Variants in FASTKD1 observed in about 807,000 individuals in gnomAD.
The protein encoded by FASTKD1 is FAST kinase domain-containing protein 1, mitochondrial.
Under a neutral mutation model 90.9 loss-of-function variants are expected in FASTKD1, and 94 were observed. The ratio of observed to expected loss-of-function variants is 1.03; its 90% CI spans 0.88 to 1.23. The LOEUF (loss-of-function observed/expected upper bound fraction) is 1.23. Ranked by LOEUF, FASTKD1 falls within the 50% of genes most tolerant of loss-of-function variation. The pLI is 0.00. For synonymous variants in FASTKD1, 319 were observed against 345.8 expected (o/e 0.92, Z 0.86); for missense variants, 945 against 993.5 (o/e 0.95, Z 0.66).
At chr2:169,547,884 CAAAAAAAAAAAAAAAAAAAAAAAAA>C (rs1158292826) in intron 7 of FASTKD1, among the ~76,000 whole-genome samples, 1 of 21,330 alleles carries the variant, frequency 4.7e-5, no homozygotes, top group African/African-American at 1.2e-4. Flanking sequence ...GACTCCATCT[CAAAAAAAAAAAAAAAAAAAAAAAAA>C]AAAAAAAGAG....
intron 3 of FASTKD1, among the ~76,000 whole-genome samples, 199 bp downstream of exon 3, chr2:169,568,981 AGAGT>A (rs1016372525): frequency 3.3e-5 from 5 of 150,234 alleles, no homozygotes; most frequent in South Asian, 2.2e-4. Flanking sequence ...CCTGGGCGAC[AGAGT>A]GAGACTCCAT....
At chr2:169,568,540 C>A (rs1449438886) in intron 3 of FASTKD1, among the ~76,000 whole-genome samples, 2 of 143,630 alleles carry the variant, frequency 1.4e-5, no homozygotes, top group African/African-American at 5.1e-5. Context: ...TGCATATAAA[C>A]CCAGCACTTT....
rs1684387315 is a variant in FASTKD1 at position 169,529,575 on chromosome 2, TG to T, written c.*249del. Among the ~76,000 whole-genome samples the T allele has an allele frequency of 6.6e-6, 1 of 152,178 alleles. No individual in the cohort carries two copies. Among genetic ancestry groups the T allele is most frequent in the Non-Finnish European group, 1.5e-5 (1 of 68,026 alleles). ...CATTCCTTACTTGAAAAGCCCCCAA[TG>T]GCTTCTCATCTCGCTCAGAGTAGCC... On this transcript the variant is annotated 3_prime_UTR_variant, in exon 15 of 15. Transcript: ENST00000453153.
intron 6 of FASTKD1, among the ~76,000 whole-genome samples, chr2:169,555,624 G>A (rs776165804): frequency 3.9e-5 from 6 of 152,016 alleles, no homozygotes; most frequent in Non-Finnish European, 5.9e-5. Context: ...ATTTTCTTCC[G>A]TAAATCCACT....
At chr2:169,562,358 G>C (rs564942969) in intron 4 of FASTKD1, among the ~76,000 whole-genome samples, 1 of 151,642 alleles carries the variant, frequency 6.6e-6, no homozygotes, top group Non-Finnish European at 1.5e-5. Flanking sequence ...TCAGCCTCCC[G>C]AGTAGCTGGG....
chr2:169,537,418 C>A, intron 11 of FASTKD1, 78 bp from the exon 12 acceptor site: 1 of 933,856 alleles, frequency 1.1e-6, no homozygotes, highest in South Asian at 1.6e-5. Context: ...AGTTTTCGCT[C>A]TTGTTGCCCA....
At chr2:169,539,271 CAAA>C (rs558999338) in intron 10 of FASTKD1, among the ~76,000 whole-genome samples, 1 of 133,550 alleles carries the variant, frequency 7.5e-6, no homozygotes, top group African/African-American at 2.8e-5. Flanking sequence ...GACTCCATCT[CAAA>C]AAAAAAAAGA....
intron 5 of FASTKD1, among the ~76,000 whole-genome samples, chr2:169,559,299 T>C (rs1404403576): frequency 6.6e-6 from 1 of 151,874 alleles, no homozygotes; most frequent in African/African-American, 2.4e-5. Flanking sequence ...AAATAAAACT[T>C]TCTCCGTAAA....
At chr2:169,556,435 CAA>C (rs371169439) in intron 6 of FASTKD1, among the ~76,000 whole-genome samples, 1 of 82,736 alleles carries the variant, frequency 1.2e-5, no homozygotes. Context: ...TACCCTGTCT[CAA>C]AAAAAAAAAA....
At chr2:169,541,560 T>C (rs1165447177) in intron 9 of FASTKD1, among the ~76,000 whole-genome samples, 1 of 152,172 alleles carries the variant, frequency 6.6e-6, no homozygotes, top group Non-Finnish European at 1.5e-5. Flanking sequence ...CACAGTAGTA[T>C]CAGACATGGT....
intron 3 of FASTKD1, among the ~76,000 whole-genome samples, chr2:169,565,402 A>G (rs936134536): frequency 1.3e-5 from 2 of 151,590 alleles, no homozygotes; most frequent in African/African-American, 4.9e-5. Context: ...AGCTGGGACT[A>G]TAGGCGCCCG....
Position 169,568,947 on chromosome 2 carries a change from T to G in FASTKD1, c.446+237A>C, listed in dbSNP as rs1684113392. ...CCAGGAGGCAGAGGTTGCAGTGAGC[T>G]GAGACCACGCCACTGCACTCCAGCC... On this transcript the variant is annotated intron_variant, in intron 3 of 14. Coordinates refer to ENST00000453153, the MANE Select transcript of FASTKD1 (RefSeq NM_024622.6). Among the ~76,000 whole-genome samples the G allele has an allele frequency of 2.0e-5, 3 of 147,542 alleles. No individual in the cohort carries two copies. The South Asian group carries it at 6.3e-4, about 31-fold the overall frequency.
rs552852069 is a variant in FASTKD1, at chr2:169,559,925, C to T, written c.971+462G>A. On this transcript the variant is annotated intron_variant, in intron 5 of 14. Transcript: ENST00000453153. ...AAATTCCTAAATGAGAGGCGCCACA[C>T]AAAATTTGCTCAAACCTGACATGGG... Among the ~76,000 whole-genome samples the T allele has an allele frequency of 2.6e-5, 4 of 152,326 alleles. No individual in the cohort carries two copies. In the South Asian group the frequency reaches 8.3e-4, roughly 32 times the overall value.
intron 3 of FASTKD1, among the ~76,000 whole-genome samples, chr2:169,565,230 C>T (rs1307669852): frequency 8.5e-6 from 1 of 118,342 alleles, no homozygotes; most frequent in African/African-American, 3.2e-5. Context: ...GGATTACAGG[C>T]GTGAGCCACC....
Position 169,571,634 on chromosome 2 carries a change from ATAAAAG to A in FASTKD1, c.377+13_377+18del. 2 of 1,410,712 alleles carry A rather than the reference ATAAAAG, an allele frequency of 1.4e-6. No homozygotes were observed. The highest frequency in any genetic ancestry group is 2.4e-5 in the East Asian group (1 of 42,048). The allele number at this position is 1,410,712 out of a possible 1,614,324, so 87.4% of individuals were successfully genotyped here. A position where few individuals can be genotyped will look rare whatever the true frequency, so the allele number is the denominator to read the frequency against. On this transcript the variant is annotated intron_variant, in intron 2 of 14. Coordinates refer to ENST00000453153, the MANE Select transcript of FASTKD1 (RefSeq NM_024622.6). ...AAACTATATAATCATTCCATAAAAT[ATAAAAG>A]TAAATTACTTACTGTTGTGTGACGT...
chr2:169,561,960 TATTGTAAATTAATTATTC>T lies in FASTKD1; in HGVS notation c.573-1193_573-1176del, dbSNP rs1559157164. Reference sequence around the variant, plus strand: ...ATTTATTATAAATTAATTATTAATTTATTGTAAATTAATTATTCATTAATTTATTGTAAATTAATTATT... The same window carrying T: ...ATTTATTATAAATTAATTATTAATTTATTAATTTATTGTAAATTAATTATT... On this transcript the variant is annotated intron_variant, in intron 4 of 14. Transcript: ENST00000453153. 1.3e-3 allele frequency among the ~76,000 whole-genome samples: 169 copies of T among 129,878 alleles called. 15 individuals are homozygous for T. The highest frequency in any genetic ancestry group is 1.9e-3 in the Admixed American group (22 of 11,806). 85.2% of individuals were successfully genotyped at this position (129,878 alleles called of 152,430 possible). A position where few individuals can be genotyped will look rare whatever the true frequency, so the allele number is the denominator to read the frequency against.
rs1684249015 is a variant in FASTKD1, at chr2:169,571,863, A to G, written c.167T>C (p.Ile56Thr). Residue 56 changes from isoleucine to threonine, a missense_variant, in exon 2 of 15, where the codon ATT becomes ACT. By Grantham distance (89) the Ile-to-Thr change is moderately conservative. Coordinates refer to ENST00000453153, the MANE Select transcript of FASTKD1 (RefSeq NM_024622.6). ...CTDEEQMFGF[I>T]ERNKAILSEK... Reference sequence around the variant, plus strand: ...TGAAAGTATGGCTTTGTTTCTTTCAATAAAACCAAACATTTGCTCCTCATC... The same window carrying G: ...TGAAAGTATGGCTTTGTTTCTTTCAGTAAAACCAAACATTTGCTCCTCATC... 2 of 1,614,108 alleles carry G rather than the reference A, an allele frequency of 1.2e-6. No individual in the cohort carries two copies. Among genetic ancestry groups the G allele is most frequent in the Middle Eastern group, 1.7e-4 (1 of 6,058 alleles).
At chr2:169,550,267 C>A (rs1161879363) in intron 7 of FASTKD1, among the ~76,000 whole-genome samples, 1 of 152,026 alleles carries the variant, frequency 6.6e-6, no homozygotes, top group Non-Finnish European at 1.5e-5. Flanking sequence ...TGGGTATCAA[C>A]CAGCCATTAT....
chr2:169,563,107 C>A, intron 4 of FASTKD1, 118 bp downstream of exon 4: 4 of 971,874 alleles, frequency 4.1e-6, no homozygotes, highest in Non-Finnish European at 6.1e-6. Context: ...GGATAACGAA[C>A]TTCCAAGAGC....
Sources: allele counts gnomAD v4.1 joint callset (sites outside exome capture counted in the v4.1 genomes callset), GRCh38; gene constraint gnomAD v4.1.1; transcripts MANE v1.5; gene names NCBI Gene and HGNC (gene_info 2026-07-23, HGNC 2026-07-21).